Variants in RANBP2 observed in about 807,000 individuals in gnomAD.
The protein encoded by RANBP2 is E3 SUMO-protein ligase RanBP2.
RANBP2 carries 57 observed loss-of-function variants against 303.6 expected under a neutral mutation model. The observed-to-expected ratio is 0.19, with a 90% CI of 0.15 to 0.23. The LOEUF (loss-of-function observed/expected upper bound fraction) is 0.23, where lower values mean the gene tolerates loss of function less well. Among genes scored for constraint, RANBP2 ranks in the 10% least tolerant of loss-of-function variants. The pLI is 1.00. For missense variants in RANBP2, 3,138 were observed against 3,780.8 expected (o/e 0.83, Z 4.46); for synonymous variants, 1,167 against 1,301.5 (o/e 0.90, Z 2.23).
At chr2:109,484,153 G>A in the RANBP2 span, among the ~76,000 whole-genome samples, 1 of 148,954 alleles carries the variant, frequency 6.7e-6, no homozygotes, top group Non-Finnish European at 1.5e-5. Context: ...TGCAACCTCT[G>A]CCTTCTGGGT....
the RANBP2 span, among the ~76,000 whole-genome samples, chr2:108,825,058 A>G: frequency 2.8e-3 from 433 of 152,360 alleles, 3 homozygotes; most frequent in Middle Eastern, 0.054. Flanking sequence ...TATTCCTGCC[A>G]GAAAACAAGT....
chr2:109,143,835 T>C, the RANBP2 span, among the ~76,000 whole-genome samples: 1 of 145,112 alleles, frequency 6.9e-6, no homozygotes, highest in African/African-American at 2.5e-5. Flanking sequence ...CACACACACG[T>C]ATATACACAA....
the RANBP2 span, among the ~76,000 whole-genome samples, chr2:109,469,818 G>T: frequency 1.3e-5 from 2 of 152,184 alleles, no homozygotes; most frequent in African/African-American, 2.4e-5. Context: ...AGGTAGATCC[G>T]AATTTTTCCA....
At chr2:109,282,518 G>C in the RANBP2 span, among the ~76,000 whole-genome samples, 3 of 152,278 alleles carry the variant, frequency 2.0e-5, no homozygotes, top group Non-Finnish European at 1.5e-5. Flanking sequence ...TGCGGTGGGA[G>C]GACAGGGGAG....
chr2:109,671,098 C>T, the RANBP2 span, among the ~76,000 whole-genome samples: 2 of 152,216 alleles, frequency 1.3e-5, no homozygotes, highest in Admixed American at 6.5e-5. Flanking sequence ...GTAACGCTAC[C>T]ACTTCCTGCA....
the RANBP2 span, among the ~76,000 whole-genome samples, chr2:109,566,175 C>T: frequency 6.6e-6 from 1 of 151,982 alleles, no homozygotes; most frequent in African/African-American, 2.4e-5. Context: ...AGCTGAAGTG[C>T]AGTGACACGA....
At chr2:109,448,853 G>C in the RANBP2 span, among the ~76,000 whole-genome samples, 2 of 152,186 alleles carry the variant, frequency 1.3e-5, no homozygotes, top group Non-Finnish European at 2.9e-5. Flanking sequence ...CTGAGTTAAA[G>C]GACTTCATAG....
the RANBP2 span, among the ~76,000 whole-genome samples, chr2:109,241,870 A>G: frequency 6.7e-6 from 1 of 150,218 alleles, no homozygotes; most frequent in African/African-American, 2.5e-5. Flanking sequence ...GGTTCACGCC[A>G]TTCTCCTGCC....
the RANBP2 span, among the ~76,000 whole-genome samples, chr2:109,435,537 T>A: frequency 6.6e-6 from 1 of 152,302 alleles, no homozygotes; most frequent in East Asian, 1.9e-4. Context: ...CTGAGCATTG[T>A]GAGTCCATTT....
At chr2:109,096,703 TA>T in the RANBP2 span, among the ~76,000 whole-genome samples, 62 of 152,278 alleles carry the variant, frequency 4.1e-4, no homozygotes, top group African/African-American at 1.1e-3. Context: ...ATTGAACTAA[TA>T]TTTTTTTTGC....
At chr2:109,096,277 G>A in the RANBP2 span, among the ~76,000 whole-genome samples, 1 of 152,030 alleles carries the variant, frequency 6.6e-6, no homozygotes, top group Non-Finnish European at 1.5e-5. Context: ...AACTTTCTTT[G>A]GGTTATATTC....
At chr2:109,241,019 G>T in the RANBP2 span, among the ~76,000 whole-genome samples, 1 of 152,060 alleles carries the variant, frequency 6.6e-6, no homozygotes, top group South Asian at 2.1e-4. Flanking sequence ...TGGCCAAAAA[G>T]AACTCTATAG....
chr2:108,722,568 A>G (rs1173502393), intron 1 of RANBP2, among the ~76,000 whole-genome samples: 1 of 150,626 alleles, frequency 6.6e-6, no homozygotes, highest in Admixed American at 6.6e-5. Context: ...ATATCTTTCT[A>G]GTCTTTCATT....
chr2:109,326,149 T>G, the RANBP2 span, among the ~76,000 whole-genome samples: 7 of 152,264 alleles, frequency 4.6e-5, no homozygotes, highest in Non-Finnish European at 1.0e-4. Context: ...TTTGATTTTA[T>G]CTATCTGTTC....
At chr2:109,688,959 T>G in the RANBP2 span, among the ~76,000 whole-genome samples, 1 of 149,766 alleles carries the variant, frequency 6.7e-6, no homozygotes, top group African/African-American at 2.5e-5. Flanking sequence ...CCAGGCGGAG[T>G]GCAATGGCAT....
the RANBP2 span, among the ~76,000 whole-genome samples, chr2:109,111,052 A>G: frequency 1.3e-5 from 2 of 152,186 alleles, no homozygotes; most frequent in Non-Finnish European, 2.9e-5. Flanking sequence ...TGTTACAGTT[A>G]CTAGCAGTAC....
chr2:109,503,978 G>A, the RANBP2 span: 1 of 152,256 alleles, frequency 6.6e-6, no homozygotes, highest in Non-Finnish European at 1.5e-5. Context: ...GCCACCTTAG[G>A]AAGGAGAGCG....
At chr2:108,728,698 G>A (rs1694937768) in intron 1 of RANBP2, among the ~76,000 whole-genome samples, 1 of 152,086 alleles carries the variant, frequency 6.6e-6, no homozygotes, top group African/African-American at 2.4e-5. Flanking sequence ...CACGATCTCA[G>A]CTCACTGCAA....
At chr2:109,398,872 A>T in the RANBP2 span, 1 of 1,613,830 alleles carries the variant, frequency 6.2e-7, no homozygotes. Context: ...AGTGTTGATC[A>T]GCTCCAGCGA....
Sources: gnomAD v4.1 joint callset for allele counts (sites outside exome capture counted in the v4.1 genomes callset) on GRCh38, gnomAD v4.1.1 for gene constraint, MANE v1.5 for transcripts, NCBI Gene and HGNC (gene_info 2026-07-23, HGNC 2026-07-21) for gene names.